The following RLIG1 variants were observed in gnomAD, a reference collection of about 807,000 sequenced individuals.
RLIG1 encodes the protein RNA ligase 1.
At chr12:88,046,799 C>T in the RLIG1 span, 8 of 1,584,516 alleles carry the variant, frequency 5.0e-6, no homozygotes, top group South Asian at 8.1e-5. Flanking sequence ...GCAAATTTTC[C>T]CACTTAGGGT....
the RLIG1 span, chr12:88,050,083 A>G: frequency 1.9e-5 from 5 of 259,864 alleles, no homozygotes; most frequent in Non-Finnish European, 2.9e-5. Flanking sequence ...CACTGTTGCC[A>G]ATGTGACCCA....
the RLIG1 span, among the ~76,000 whole-genome samples, chr12:88,036,658 C>G: frequency 3.3e-5 from 5 of 152,136 alleles, no homozygotes; most frequent in South Asian, 6.2e-4. Flanking sequence ...TGCTTTTTAC[C>G]TTATAGCATC....
At chr12:88,038,172 G>C in the RLIG1 span, among the ~76,000 whole-genome samples, 1 of 152,276 alleles carries the variant, frequency 6.6e-6, no homozygotes, top group Admixed American at 6.5e-5. Context: ...TGGTTCTGAA[G>C]TATACGGTAT....
At chr12:88,047,008 G>C in the RLIG1 span, 3 of 1,558,568 alleles carry the variant, frequency 1.9e-6, no homozygotes, top group Non-Finnish European at 2.6e-6. Flanking sequence ...GTGGGGTTAT[G>C]TCATCTTATA....
At chr12:88,043,649 A>G in the RLIG1 span, 2 of 1,613,144 alleles carry the variant, frequency 1.2e-6, no homozygotes, top group Non-Finnish European at 8.5e-7. Context: ...GGAGTGCTGG[A>G]TACCAGCAAA....
At chr12:88,048,981 G>T in the RLIG1 span, 2 of 360,890 alleles carry the variant, frequency 5.5e-6, no homozygotes, top group East Asian at 4.4e-5. Context: ...CCTATTTGAT[G>T]GCTGTAACAA....
chr12:88,040,183 C>G, the RLIG1 span: 1 of 1,610,558 alleles, frequency 6.2e-7, no homozygotes. Context: ...CTGTAAGTCA[C>G]AAGGCATTAG....
At chr12:88,049,108 G>C in the RLIG1 span, 1 of 813,402 alleles carries the variant, frequency 1.2e-6, no homozygotes, top group Non-Finnish European at 2.0e-6. Context: ...ACAGTTCGGA[G>C]AACTGCTTAT....
the RLIG1 span, chr12:88,049,266 C>T: frequency 2.5e-6 from 4 of 1,609,900 alleles, no homozygotes; most frequent in Non-Finnish European, 2.5e-6. Context: ...TAATTCAACT[C>T]CCAATTGTTC....
the RLIG1 span, chr12:88,035,799 T>C: frequency 6.4e-7 from 1 of 1,552,300 alleles, no homozygotes; most frequent in Non-Finnish European, 8.7e-7. Context: ...CGGCGCTGGC[T>C]CAGTGCGAAC....
the RLIG1 span, among the ~76,000 whole-genome samples, chr12:88,046,291 A>G: frequency 1.3e-5 from 2 of 152,100 alleles, no homozygotes; most frequent in Non-Finnish European, 2.9e-5. Flanking sequence ...GGAAAATCCT[A>G]TATGGAGATC....
chr12:88,036,646 G>C, the RLIG1 span, among the ~76,000 whole-genome samples: 1 of 152,154 alleles, frequency 6.6e-6, no homozygotes, highest in South Asian at 2.1e-4. Flanking sequence ...CATTCACCTT[G>C]ATGCTTTTTA....
chr12:88,046,073 G>A, the RLIG1 span, among the ~76,000 whole-genome samples: 1 of 152,094 alleles, frequency 6.6e-6, no homozygotes, highest in African/African-American at 2.4e-5. Context: ...CAGGTGAGTT[G>A]AGTCGATTGA....
At chr12:88,040,101 T>C in the RLIG1 span, 1 of 1,010,842 alleles carries the variant, frequency 9.9e-7, no homozygotes, top group Admixed American at 1.8e-5. Context: ...TGCAAAGACA[T>C]AGAGGCTATC....
the RLIG1 span, chr12:88,046,996 C>T: frequency 5.1e-5 from 80 of 1,578,810 alleles, 1 homozygote; most frequent in Admixed American, 8.0e-4. Context: ...AAAATAGCTC[C>T]GGTGGGGTTA....
the RLIG1 span, chr12:88,047,119 C>A: frequency 1.2e-6 from 1 of 810,690 alleles, no homozygotes; most frequent in Non-Finnish European, 1.9e-6. Flanking sequence ...CATGTACCAC[C>A]ATTTTTTAAG....
chr12:88,043,734 TAGTGC>T, the RLIG1 span: 3 of 1,536,036 alleles, frequency 2.0e-6, no homozygotes, highest in Non-Finnish European at 1.8e-6. Flanking sequence ...ATATCTCTTC[TAGTGC>T]AGTTTTGTGT....
the RLIG1 span, chr12:88,040,186 G>T: frequency 6.2e-7 from 1 of 1,610,492 alleles, no homozygotes; most frequent in East Asian, 2.2e-5. Context: ...TAAGTCACAA[G>T]GCATTAGATG....
At chr12:88,049,238 A>T in the RLIG1 span, 3 of 1,608,786 alleles carry the variant, frequency 1.9e-6, no homozygotes, top group Non-Finnish European at 2.5e-6. Flanking sequence ...ACTCTTCAGA[A>T]GCAGCAACAG....
Sources: allele counts gnomAD v4.1 joint callset (sites outside exome capture counted in the v4.1 genomes callset), GRCh38; gene constraint gnomAD v4.1.1; transcripts MANE v1.5; gene names NCBI Gene and HGNC (gene_info 2026-07-23, HGNC 2026-07-21).